The following ABCG1 variants were observed in gnomAD, a reference collection of about 807,000 sequenced individuals.
The protein encoded by ABCG1 is ATP-binding cassette sub-family G member 1.
Under a neutral mutation model 69.2 loss-of-function variants are expected in ABCG1, and 29 were observed. The ratio of observed to expected loss-of-function variants is 0.42; its 90% confidence interval spans 0.31 to 0.57. ABCG1 has a LOEUF of 0.57. ABCG1 is among the 20% of genes least tolerant of loss of function. ABCG1 has a pLI of 0.15. For synonymous variants in ABCG1, 370 were observed against 374.8 expected (o/e 0.99, Z 0.15); for missense variants, 718 against 898.1 (o/e 0.80, Z 2.56).
Position 42,273,208 on chromosome 21 carries a change from G to A in ABCG1, c.405-95G>A, listed in dbSNP as rs1265886326. On this transcript the variant is annotated intron_variant, in intron 3 of 14. Coordinates refer to ENST00000398449, the MANE Select transcript of ABCG1 (RefSeq NM_016818.3). The surrounding 1 kb of genome is among the most constrained non-coding windows in gnomAD (Gnocchi z 5.3). ...TGGTTCAGCTGGGAAGATGCTGGGA[G>A]GCAAGCCCCCGTCTCTGGCTCCCCT... 24 of 1,505,256 alleles carry A rather than the reference G, an allele frequency of 1.6e-5. No homozygotes were observed. Among genetic ancestry groups the A allele is most frequent in the Non-Finnish European group, 2.0e-5 (23 of 1,125,686 alleles). 93.2% of individuals were successfully genotyped at this position (1,505,256 alleles called of 1,614,324 possible).
chr21:42,204,773 A>G (rs1347405109), intron 2 of ABCG1, among the ~76,000 whole-genome samples: 4 of 152,184 alleles, frequency 2.6e-5, no homozygotes, highest in Non-Finnish European at 5.9e-5. Context: ...TAAGGCCTCG[A>G]ACTCCTGGGC....
At chr21:42,233,443 TCCC>T (rs2067930183) in intron 2 of ABCG1, among the ~76,000 whole-genome samples, 5 of 152,138 alleles carry the variant, frequency 3.3e-5, no homozygotes, top group Non-Finnish European at 7.4e-5. Context: ...AACTGACACC[TCCC>T]AGGCAGCCGG....
chr21:42,243,150 A>G (rs1480279096), intron 2 of ABCG1, among the ~76,000 whole-genome samples: 1 of 152,110 alleles, frequency 6.6e-6, no homozygotes, highest in Non-Finnish European at 1.5e-5. Flanking sequence ...CCTGGCCTTC[A>G]AAGTCAGCTT....
chr21:42,242,680 C>G (rs1204908481), intron 2 of ABCG1, among the ~76,000 whole-genome samples: 1 of 152,218 alleles, frequency 6.6e-6, no homozygotes. Flanking sequence ...CACATTCATT[C>G]TGTTCCGGCT....
At chr21:42,242,480 G>A (rs1023647483) in intron 2 of ABCG1, among the ~76,000 whole-genome samples, 2 of 152,202 alleles carry the variant, frequency 1.3e-5, no homozygotes, top group Admixed American at 1.3e-4. Flanking sequence ...TCCAGCCTGG[G>A]TGACAGCAGA....
In ABCG1 at chr21:42,283,903, C is replaced by CA. The variant is rs540513190; in HGVS notation, c.735-657_735-656insA. ...CGCCTGGACAGTTGCAAAGTCCCCC[C>CA]GCCCAGATGAGTGGGGACCCCCCCA... On this transcript the variant is annotated intron_variant, in intron 6 of 14. Transcript: ENST00000398449. Among the ~76,000 whole-genome samples the CA allele has an allele frequency of 4.1e-3, 19 of 4,596 alleles. 1 individual carries two copies. Among genetic ancestry groups the CA allele is most frequent in the East Asian group, 7.6e-3 (1 of 132 alleles). 3.0% of individuals were successfully genotyped at this position (4,596 alleles called of 152,430 possible).
intron 2 of ABCG1, chr21:42,256,575 C>G: frequency 6.5e-7 from 1 of 1,529,772 alleles, no homozygotes. Context: ...GGGACACTGA[C>G]CCATGAAGAG....
upstream of ABCG1, among the ~76,000 whole-genome samples, chr21:42,218,728 G>A (rs2067670511): frequency 6.6e-6 from 1 of 152,090 alleles, no homozygotes; most frequent in Non-Finnish European, 1.5e-5. Context: ...TGGGCGGGAA[G>A]GGAAGAAGCA....
At chr21:42,242,437 G>A (rs984397428) in intron 2 of ABCG1, among the ~76,000 whole-genome samples, 1 of 152,208 alleles carries the variant, frequency 6.6e-6, no homozygotes, top group African/African-American at 2.4e-5. Flanking sequence ...GGAGTTCAAG[G>A]CTGCAGTAAG....
upstream of ABCG1, among the ~76,000 whole-genome samples, chr21:42,211,572 T>C (rs1307088430): frequency 3.9e-5 from 6 of 152,214 alleles, no homozygotes; most frequent in South Asian, 1.2e-3. Context: ...ATACCCATAG[T>C]GACAGCATTA....
chr21:42,271,331 G>A, intron 3 of ABCG1, 144 bp downstream of exon 3: 1 of 509,950 alleles, frequency 2.0e-6, no homozygotes, highest in Non-Finnish European at 3.3e-6. Context: ...GACATTGAGA[G>A]GCTGCACTTG....
In ABCG1 at chr21:42,276,335, C is replaced by G. The variant is rs116577854; in HGVS notation, c.538-560C>G. The G allele has an allele frequency of 2.9e-3, 442 of 153,782 alleles. 4 individuals are homozygous for G. Among genetic ancestry groups the G allele is most frequent in the African/African-American group, 0.01 (423 of 41,594 alleles). The allele number at this position is 153,782 out of a possible 1,614,324, so 9.5% of individuals were successfully genotyped here. On this transcript the variant is annotated intron_variant, in intron 4 of 14. Coordinates refer to ENST00000398449, the MANE Select transcript of ABCG1 (RefSeq NM_016818.3). This position sits in a 1 kb window ranked among gnomAD's most constrained non-coding sequence, Gnocchi z 5.3. ...AGACTCTCCTGTGGATAAGTTCAAG[C>G]CTCAGCAGTTTAACAGGCGGTTTGT...
chr21:42,265,945 C>T (rs193161202), intron 2 of ABCG1, among the ~76,000 whole-genome samples: 123 of 152,290 alleles, frequency 8.1e-4, no homozygotes, highest in Non-Finnish European at 2.4e-4. Flanking sequence ...GGACAGGGTT[C>T]TTCTCTCTTA....
At chr21:42,233,297 T>C (rs1202276783) in intron 2 of ABCG1, among the ~76,000 whole-genome samples, 1 of 152,170 alleles carries the variant, frequency 6.6e-6, no homozygotes, top group Non-Finnish European at 1.5e-5. Flanking sequence ...CTGAGACCTA[T>C]ATTTAGAGTC....
rs1050872907 is a variant in ABCG1, at chr21:42,296,305, G to T, written c.1914G>T (p.Leu638=). 19 of 1,614,032 alleles carry T rather than the reference G, an allele frequency of 1.2e-5. No individual in the cohort carries two copies. Among genetic ancestry groups the T allele is most frequent in the Non-Finnish European group, 1.6e-5 (19 of 1,180,034 alleles). ...ELDVENAKLY[L]DFIVLGIFFI... ...ACGTGGAAAATGCCAAGCTGTACCT[G>T]GACTTCATCGTACTCGGGATTTTCT... is the stretch of plus-strand genomic sequence containing the variant. Residue 638 remains leucine, a synonymous_variant, in exon 15 of 15, where the codon CTG becomes CTT. Coordinates refer to ENST00000398449, the MANE Select transcript of ABCG1 (RefSeq NM_016818.3). The surrounding 1 kb of genome is among the most constrained non-coding windows in gnomAD (Gnocchi z 5.4).
rs144435508 is a variant in ABCG1, at chr21:42,272,442, G to A, written c.405-861G>A. Among the ~76,000 whole-genome samples the A allele has an allele frequency of 2.6e-5, 4 of 152,370 alleles. 1 individual carries two copies. The highest frequency in any genetic ancestry group is 4.1e-4 in the South Asian group (2 of 4,830). ...TGTGCCTGGAGGAGAGAAGAGACCC[G>A]GCCGCAGGCCCACAGTCATAGTAAC... On this transcript the variant is annotated intron_variant, in intron 3 of 14. Coordinates refer to ENST00000398449, the MANE Select transcript of ABCG1 (RefSeq NM_016818.3).
rs751275842 is a variant in ABCG1 at position 42,256,225 on chromosome 21, A to C, written c.287-14845A>C. On this transcript the variant is annotated intron_variant, in intron 2 of 14. Coordinates refer to ENST00000398449, the MANE Select transcript of ABCG1 (RefSeq NM_016818.3). ...AAACCTCATAAGTGGTTTCCCATAC[A>C]AGAAAGATGCTAGCAGTGCAACAGA... is the stretch of plus-strand genomic sequence containing the variant. 33 of 1,451,624 alleles carry C rather than the reference A, an allele frequency of 2.3e-5. 1 individual carries two copies. The Admixed American group carries it at 3.5e-4, about 16-fold the overall frequency. The allele number at this position is 1,451,624 out of a possible 1,614,324, so 89.9% of individuals were successfully genotyped here. A position where few individuals can be genotyped will look rare whatever the true frequency, so the allele number is the denominator to read the frequency against.
chr21:42,219,769 C>G lies in ABCG1; in HGVS notation c.42+465C>G. 1 of 1,388,730 alleles carries G rather than the reference C, an allele frequency of 7.2e-7. No homozygotes were observed. Among genetic ancestry groups the G allele is most frequent in the East Asian group, 2.7e-5 (1 of 36,466 alleles). 86.0% of individuals were successfully genotyped at this position (1,388,730 alleles called of 1,614,324 possible). A position where few individuals can be genotyped will look rare whatever the true frequency, so the allele number is the denominator to read the frequency against. ...GGACTTCTCGCGCCATCCCCAGGAA[C>G]GCCAGGCAAGGTCTGGGGGAACAAA... On this transcript the variant is annotated intron_variant, in intron 1 of 14. Coordinates refer to ENST00000398449, the MANE Select transcript of ABCG1 (RefSeq NM_016818.3). This position sits in a 1 kb window ranked among gnomAD's most constrained non-coding sequence, Gnocchi z 5.3.
At chr21:42,247,633 C>T (rs945535476) in intron 2 of ABCG1, among the ~76,000 whole-genome samples, 1 of 152,194 alleles carries the variant, frequency 6.6e-6, no homozygotes, top group African/African-American at 2.4e-5. Flanking sequence ...TCCCAACTCT[C>T]AGAACCTGTA....
Sources: gnomAD v4.1 joint callset for allele counts (sites outside exome capture counted in the v4.1 genomes callset) on GRCh38, gnomAD v4.1.1 for gene constraint, Gnocchi (gnomAD v3.1) non-coding constraint, MANE v1.5 for transcripts, NCBI Gene and HGNC (gene_info 2026-07-23, HGNC 2026-07-21) for gene names.